PLXNA1: variants seen among roughly 807,000 people sequenced by gnomAD.
PLXNA1 encodes plexin-A1.
In PLXNA1, 77 loss-of-function variants were observed where a neutral mutation model predicts 191.7. The ratio of observed to expected loss-of-function variants is 0.40; its 90% CI spans 0.33 to 0.49. The LOEUF is 0.49. PLXNA1 is among the 20% of genes least tolerant of loss of function. The pLI, the probability that PLXNA1 is intolerant of heterozygous loss-of-function variation, is 0.63. For missense variants in PLXNA1, 2,110 were observed against 2,660.2 expected, an observed-to-expected ratio of 0.79 and a Z score of 4.55; for synonymous variants, 1,137 against 1,156.4, an observed-to-expected ratio of 0.98 and a Z score of 0.34.
At chr3:127,011,546 G>T (rs2079095636) in intron 9 of PLXNA1, among the ~76,000 whole-genome samples, 1 of 152,216 alleles carries the variant, frequency 6.6e-6, no homozygotes, top group Non-Finnish European at 1.5e-5. Context: ...ATCAGTTATT[G>T]TTGCCGAAAT....
At position 126,989,804 on chromosome 3, in the gene PLXNA1, C is replaced by T. The variant is rs57299665; in HGVS notation, c.1194+17C>T. On this transcript the variant is annotated intron_variant, in intron 2 of 31. Transcript: ENST00000393409. ...ATCAACTCGGTGAGTTGGGCAGGGG[C>T]GCCCCTCCTCCCGCGGCCCCATCCC... is the stretch of plus-strand genomic sequence containing the variant. The T allele has an allele frequency of 6.9e-3, 10,864 of 1,580,078 alleles. 636 individuals are homozygous for T. In the African/African-American group the frequency reaches 0.13, roughly 19 times the overall value.
intron 3 of PLXNA1, among the ~76,000 whole-genome samples, chr3:127,000,949 C>A (rs2079037218): frequency 6.6e-6 from 1 of 152,192 alleles, no homozygotes; most frequent in East Asian, 1.9e-4. Context: ...TCTCCCTGGG[C>A]CCAGCCTGTG....
At chr3:126,994,409 C>T (rs2079005358) in intron 3 of PLXNA1, among the ~76,000 whole-genome samples, 2 of 152,180 alleles carry the variant, frequency 1.3e-5, no homozygotes, top group African/African-American at 4.8e-5. Flanking sequence ...CTCTGCCTCC[C>T]TTGTTCCCTA....
intron 12 of PLXNA1, 34 bp downstream of exon 12, chr3:127,014,409 C>G (rs781147013): frequency 6.4e-7 from 1 of 1,569,054 alleles, no homozygotes; most frequent in Non-Finnish European, 8.6e-7. Context: ...ACACCCCATG[C>G]CCCGCCCTGC....
intron 3 of PLXNA1, among the ~76,000 whole-genome samples, chr3:127,000,678 G>A (rs1412692569): frequency 1.3e-5 from 2 of 152,216 alleles, no homozygotes; most frequent in South Asian, 4.1e-4. Flanking sequence ...GATAAAGCTG[G>A]CTTGGCTGCA....
In PLXNA1 at chr3:127,020,265, C is replaced by T; in HGVS notation, c.3959C>T (p.Pro1320Leu). Residue 1320 changes from proline (P) to leucine (L), a missense_variant, in exon 21 of 32, where the codon CCC (proline) becomes CTC (leucine). By Grantham distance (98) the Pro-to-Leu change is moderately conservative (BLOSUM62 -3). Around this residue, in one of 4 missense-constraint regions of PLXNA1, gnomAD observed 559 missense variants for 911.5 expected, o/e 0.61. Transcript: ENST00000393409. ...AATGACCTGGACGGTGCCGGCATCC[C>T]CTTCCTTGACTACCGGACATATGCC... ...LTNDLDGAGI[P>L]FLDYRTYAMR... 1 of 1,613,256 alleles carries T rather than the reference C, an allele frequency of 6.2e-7. No homozygotes were observed. Among genetic ancestry groups the T allele is most frequent in the Non-Finnish European group, 8.5e-7 (1 of 1,179,986 alleles).
intron 3 of PLXNA1, among the ~76,000 whole-genome samples, chr3:127,002,013 C>G (rs2079042977): frequency 6.6e-6 from 1 of 152,274 alleles, no homozygotes; most frequent in South Asian, 2.1e-4. Flanking sequence ...AGGACTCCTA[C>G]TCCTGCTGTG....
chr3:126,999,974 C>A lies in PLXNA1; in HGVS notation c.1378-3356C>A, dbSNP rs72959008. Among the ~76,000 whole-genome samples the A allele has an allele frequency of 6.7e-3, 1,015 of 152,112 alleles. 7 individuals carry two copies. Among genetic ancestry groups the A allele is most frequent in the African/African-American group, 0.024 (975 of 41,488 alleles). On this transcript the variant is annotated intron_variant, in intron 3 of 31. Transcript: ENST00000393409. ...GTACCCCAGGGTTAGATGGTCCAGG[C>A]AGAAGCAGGTGGGGGCATCCCGTGT...
chr3:127,017,707 G>A (rs755394238), intron 18 of PLXNA1, 42 bp from the exon 19 acceptor site: 3 of 1,612,976 alleles, frequency 1.9e-6, no homozygotes, highest in Non-Finnish European at 2.5e-6. Context: ...CCAGGGAAGA[G>A]GCCCCTCGTC....
intron 4 of PLXNA1, among the ~76,000 whole-genome samples, chr3:127,004,162 G>A (rs564804580): frequency 1.1e-4 from 16 of 152,336 alleles, no homozygotes; most frequent in African/African-American, 2.2e-4. Context: ...CCTCAGGGAC[G>A]TGCCTCCGTG....
rs1439154814 is a variant in PLXNA1, at chr3:127,017,674, C to A, written c.3516+10C>A. 1.2e-5 allele frequency: 19 copies of A among 1,613,342 alleles called. No individual in the cohort carries two copies. The East Asian group carries it at 3.8e-4, about 32-fold the overall frequency. ...CCCACTCATCCTCAAGGTGGGTCAC[C>A]ATTGCCCGTAGGCTGGGCCAAGCCA... On this transcript the variant is annotated intron_variant, in intron 18 of 31. Coordinates refer to ENST00000393409, the MANE Select transcript of PLXNA1 (RefSeq NM_032242.4).
rs201617251 is a variant in PLXNA1 at position 126,989,372 on chromosome 3, C to T, written c.779C>T (p.Thr260Met). 9.9e-6 allele frequency: 16 copies of T among 1,613,512 alleles called. No individual in the cohort carries two copies. Among genetic ancestry groups the T allele is most frequent in the African/African-American group, 2.7e-5 (2 of 74,954 alleles). The change falls in exon 2 of 32, where the codon ACG becomes ATG. Residue 260 changes from threonine to methionine, a missense_variant. Thr to Met is a moderately conservative substitution (Grantham distance 81). Transcript: ENST00000393409. The part of the protein sequence containing the change: ...FRSEQFVYYL[T>M]LQLDTQLTSP... ...AGCGAGCAGTTTGTCTACTACCTCA[C>T]GCTGCAGCTAGACACACAGCTGACC... is the stretch of plus-strand genomic sequence containing the variant.
chr3:127,005,251 G>T lies in PLXNA1; in HGVS notation c.1897+8G>T. On this transcript the variant is annotated splice_region_variant and intron_variant, in intron 7 of 31. Coordinates refer to ENST00000393409, the MANE Select transcript of PLXNA1 (RefSeq NM_032242.4). ...CCATCACGCGGGGCCAGGGTGAGTG[G>T]CCCCAACACAATGGTGCCCGCTGCC... 6.3e-7 allele frequency: 1 copy of T among 1,599,434 alleles called. No individual in the cohort carries two copies. The highest frequency in any genetic ancestry group is 8.5e-7 in the Non-Finnish European group (1 of 1,173,896).
intron 21 of PLXNA1, 83 bp downstream of exon 21, chr3:127,020,427 G>A (rs536177087): frequency 2.1e-5 from 33 of 1,537,630 alleles, no homozygotes; most frequent in Admixed American, 1.7e-4. Flanking sequence ...GGTGCTGATG[G>A]ATGGTATGGG....
In PLXNA1 at chr3:127,030,252, C is replaced by T; in HGVS notation, c.5071C>T (p.Gln1691Ter). ...TRLLATKGTL[Q>*]KFVDDLFETI... ...TGCCTGCCCCCCGCAGGGCACACTG[C>T]AGAAGTTTGTGGACGACCTGTTTGA... Residue 1691 changes from glutamine (Q) to a stop codon, truncating the protein, a stop_gained, in exon 29 of 32, where the codon CAG (glutamine) becomes TAG (stop). Coordinates refer to ENST00000393409, the MANE Select transcript of PLXNA1 (RefSeq NM_032242.4). LOFTEE classifies it high-confidence loss of function. 1 of 1,613,588 alleles carries T rather than the reference C, an allele frequency of 6.2e-7. No homozygotes were observed. Among genetic ancestry groups the T allele is most frequent in the Non-Finnish European group, 8.5e-7 (1 of 1,179,906 alleles).
chr3:126,991,241 A>T, intron 2 of PLXNA1, 143 bp from the exon 3 acceptor site: 1 of 829,862 alleles, frequency 1.2e-6, no homozygotes, highest in Non-Finnish European at 1.9e-6. Context: ...CCTGTCTTAA[A>T]CCCTCTCTGT....
chr3:127,001,546 G>A (rs1251907847), intron 3 of PLXNA1, among the ~76,000 whole-genome samples: 2 of 152,154 alleles, frequency 1.3e-5, no homozygotes, highest in East Asian at 1.9e-4. Context: ...GAGGATGGAG[G>A]AGATGAGAGG....
Position 127,018,475 on chromosome 3 carries a change from T to G in PLXNA1, c.3842T>G (p.Leu1281Arg). The change falls in exon 20 of 32, where the codon CTG (leucine) becomes CGG (arginine). Residue 1281 changes from leucine to arginine, a missense_variant. By Grantham distance (102) the Leu-to-Arg change is moderately radical. This residue lies in a region of PLXNA1 where 559 missense variants were observed against 911.5 expected (regional missense o/e 0.61). Transcript: ENST00000393409. The part of the protein sequence containing the change: ...SRDADRTLKR[L>R]QLQMDNLESR... ...GATGCTGACCGCACACTCAAGCGGC[T>G]GCAGCTCCAGATGGACAACCTGGAG... 2 of 1,612,698 alleles carry G rather than the reference T, an allele frequency of 1.2e-6. No homozygotes were observed. The highest frequency in any genetic ancestry group is 1.7e-6 in the Non-Finnish European group (2 of 1,179,702).
chr3:127,012,322 G>A (rs1214594674), intron 10 of PLXNA1, among the ~76,000 whole-genome samples, 164 bp downstream of exon 10: 1 of 152,252 alleles, frequency 6.6e-6, no homozygotes, highest in Non-Finnish European at 1.5e-5. Flanking sequence ...GCCATTGCCA[G>A]GCCCTTCAGA....
Sources: allele counts gnomAD v4.1 joint callset (sites outside exome capture counted in the v4.1 genomes callset), GRCh38; gene constraint gnomAD v4.1.1; regional missense constraint gnomAD v4.1.1; transcripts MANE v1.5; gene names NCBI Gene and HGNC (gene_info 2026-07-23, HGNC 2026-07-21).